The following CLCC1 variants were observed in gnomAD, a reference collection of about 807,000 sequenced individuals.
CLCC1 encodes the protein chloride channel CLIC like 1.
In CLCC1, 39 loss-of-function variants were observed where a neutral mutation model predicts 63.3. That is an observed-to-expected ratio of 0.62 (90% CI 0.48 to 0.81). The LOEUF (loss-of-function observed/expected upper bound fraction) is 0.81. Ranked by LOEUF, CLCC1 falls within the 30% of genes least tolerant of loss-of-function variation. The pLI, the probability that CLCC1 is intolerant of heterozygous loss-of-function variation, is 0.00. For missense variants in CLCC1, 549 were observed against 669.4 expected (o/e 0.82, Z 1.98); for synonymous variants, 217 against 239.8 (o/e 0.90, Z 0.88).
chr1:108,950,358 G>A lies in CLCC1; in HGVS notation c.80C>T (p.Thr27Ile), dbSNP rs1655030860. 1.2e-6 allele frequency: 2 copies of A among 1,613,258 alleles called. No homozygotes were observed. Among genetic ancestry groups the A allele is most frequent in the South Asian group, 1.1e-5 (1 of 90,996 alleles). The change falls in exon 3 of 13, where the codon ACA becomes ATA. Residue 27 changes from threonine to isoleucine, a missense_variant. By Grantham distance (89) the Thr-to-Ile change is moderately conservative (BLOSUM62 -1). Coordinates refer to ENST00000369969, the MANE Select transcript of CLCC1 (RefSeq NM_001377458.1). ...YAHDDDWIDPTDMLNYDAASG... is the reference protein window; with the variant it reads ...YAHDDDWIDPIDMLNYDAASG... ...AGCAGCATCATAGTTAAGCATGTCT[G>A]TGGGGTCAATCCAGTCATCATCATG...
At position 108,934,705 on chromosome 1, in the gene CLCC1, G is replaced by C. The variant is rs758689973; in HGVS notation, c.1621C>G (p.Arg541Gly). ...GGGCTGCTGACCGGATCCTGTCCACGTGGTCCAGCCACACCTCTTGCGGGG... is the reference window on the plus strand; with the variant it reads ...GGGCTGCTGACCGGATCCTGTCCACCTGGTCCAGCCACACCTCTTGCGGGG... ...YSPARGVAGP[R>G]GQDPVSSPCG The change falls in exon 12 of 13, where the codon CGT becomes GGT. Residue 541 changes from arginine (R) to glycine (G), a missense_variant. Coordinates refer to ENST00000369969, the MANE Select transcript of CLCC1 (RefSeq NM_001377458.1). 2 of 1,613,782 alleles carry C rather than the reference G, an allele frequency of 1.2e-6. No individual in the cohort carries two copies.
chr1:108,947,860 T>C (rs1654744400), intron 4 of CLCC1, 142 bp from the exon 5 acceptor site: 2 of 597,338 alleles, frequency 3.3e-6, no homozygotes, highest in Non-Finnish European at 5.9e-6. Context: ...TATAATACAT[T>C]ACAGTGCAGA....
At chr1:108,950,877 C>G (rs1166464066) in intron 2 of CLCC1, among the ~76,000 whole-genome samples, 2 of 151,886 alleles carry the variant, frequency 1.3e-5, no homozygotes, top group Non-Finnish European at 2.9e-5. Context: ...TGAACAGTAT[C>G]TAAGGAAGAA....
At position 108,943,924 on chromosome 1, in the gene CLCC1, A is replaced by G. The variant is rs1340284775; in HGVS notation, c.473T>C (p.Ile158Thr). Reference sequence around the variant, plus strand: ...ATCATGAAACTTAAAATTAATTAAAATATCACTTAGTGCATCATCCAAGGC... The same window carrying G: ...ATCATGAAACTTAAAATTAATTAAAGTATCACTTAGTGCATCATCCAAGGC... The part of the protein sequence containing the change: ...PGALDDALSD[I>T]LINFKFHDFE... Residue 158 changes from isoleucine to threonine, a missense_variant, in exon 6 of 13, where the codon ATT becomes ACT. Coordinates refer to ENST00000369969, the MANE Select transcript of CLCC1 (RefSeq NM_001377458.1). The G allele has an allele frequency of 6.2e-7, 1 of 1,613,708 alleles. No individual in the cohort carries two copies. The highest frequency in any genetic ancestry group is 1.7e-5 in the Admixed American group (1 of 60,020).
intron 3 of CLCC1, 86 bp downstream of exon 3, chr1:108,950,223 T>C (rs1302267642): frequency 2.3e-6 from 3 of 1,331,096 alleles, no homozygotes; most frequent in Non-Finnish European, 3.1e-6. Flanking sequence ...ATGACCCTCA[T>C]AGCTCTGTGC....
intron 2 of CLCC1, among the ~76,000 whole-genome samples, chr1:108,955,479 G>C (rs1171225898): frequency 1.3e-5 from 2 of 151,388 alleles, no homozygotes; most frequent in Non-Finnish European, 2.9e-5. Context: ...TTGAAGTGGG[G>C]CTATGATGGT....
At chr1:108,960,939 G>A (rs552532908) in intron 2 of CLCC1, among the ~76,000 whole-genome samples, 1 of 152,014 alleles carries the variant, frequency 6.6e-6, no homozygotes, top group Admixed American at 6.6e-5. Context: ...CCCCCTGCCC[G>A]CCGCCTTGTC....
chr1:108,940,119 A>G lies in CLCC1; in HGVS notation c.820T>C (p.Tyr274His), dbSNP rs1397167105. ...IWEWFRSSWT[Y>H]KDDPCQKYYE... The stretch of plus-strand genomic sequence containing the variant: ...TATTTTTGGCATGGGTCATCCTTAT[A>G]GGTCCATGAACTTCTAAACCATTCT... The change falls in exon 9 of 13, where the codon TAT becomes CAT. Residue 274 changes from tyrosine (Y) to histidine (H), a missense_variant. Transcript: ENST00000369969. 6.2e-7 allele frequency: 1 copy of G among 1,611,976 alleles called. No homozygotes were observed. The highest frequency in any genetic ancestry group is 1.7e-5 in the Admixed American group (1 of 59,974).
At chr1:108,950,174 G>C in intron 3 of CLCC1, 135 bp downstream of exon 3, 2 of 925,866 alleles carry the variant, frequency 2.2e-6, no homozygotes, top group Non-Finnish European at 3.2e-6. Flanking sequence ...GATTAACAGT[G>C]TCAAGAAAAT....
chr1:108,930,133 C>T lies in CLCC1; in HGVS notation c.*2414G>A. On this transcript the variant is annotated 3_prime_UTR_variant, in exon 13 of 13. Transcript: ENST00000369969. ...CATGCGCGTTTGAGGGTGGAGGGGT[C>T]CTGTAAGGTGCTTCATCGTCTGTGA... 1 of 585,304 alleles carries T rather than the reference C, an allele frequency of 1.7e-6. No homozygotes were observed. The highest frequency in any genetic ancestry group is 2.2e-5 in the South Asian group (1 of 44,710). The allele number at this position is 585,304 out of a possible 1,614,324, so 36.3% of individuals were successfully genotyped here.
At position 108,948,616 on chromosome 1, in the gene CLCC1, A is replaced by T. The variant is rs79850561; in HGVS notation, c.232-898T>A. On this transcript the variant is annotated intron_variant, in intron 4 of 12. Transcript: ENST00000369969. ...GCTCTCAGGCAAGGTTTGTAAAACC[A>T]GTTTATTTTCTAAACCTTAAAGAAA... is the stretch of plus-strand genomic sequence containing the variant. Among the ~76,000 whole-genome samples the T allele has an allele frequency of 5.1e-3, 768 of 150,810 alleles. 11 individuals carry two copies. The highest frequency in any genetic ancestry group is 0.018 in the African/African-American group (719 of 40,820).
intron 11 of CLCC1, among the ~76,000 whole-genome samples, chr1:108,936,097 T>G (rs1482977761): frequency 1.4e-5 from 2 of 144,730 alleles, no homozygotes; most frequent in Non-Finnish European, 1.5e-5. Context: ...TTTTTTTTTT[T>G]TTTTTTTTTT....
intron 8 of CLCC1, among the ~76,000 whole-genome samples, chr1:108,940,970 T>C (rs1199264765): frequency 1.3e-4 from 20 of 152,158 alleles, no homozygotes; most frequent in Admixed American, 1.3e-3. Context: ...AAAAAACTAA[T>C]TTTTCCCGTA....
chr1:108,943,124 A>G (rs917301333), intron 7 of CLCC1, among the ~76,000 whole-genome samples: 3 of 152,070 alleles, frequency 2.0e-5, no homozygotes, highest in Non-Finnish European at 4.4e-5. Context: ...TGGCCAGGCT[A>G]GTCTTGACCT....
intron 4 of CLCC1, among the ~76,000 whole-genome samples, chr1:108,948,088 C>T (rs1654768160): frequency 6.6e-6 from 1 of 152,044 alleles, no homozygotes; most frequent in African/African-American, 2.4e-5. Flanking sequence ...GAAGGAAGGG[C>T]AGGAGGGAAG....
chr1:108,955,395 C>A (rs561122792), intron 2 of CLCC1, among the ~76,000 whole-genome samples: 1 of 151,480 alleles, frequency 6.6e-6, no homozygotes, highest in Non-Finnish European at 1.5e-5. Flanking sequence ...ACTCTCCCCA[C>A]GGAAAGATGG....
intron 10 of CLCC1, among the ~76,000 whole-genome samples, chr1:108,939,365 G>A (rs1571017272): frequency 6.8e-6 from 1 of 147,618 alleles, no homozygotes; most frequent in South Asian, 2.1e-4. Flanking sequence ...GGAGTACAGT[G>A]GTGCGATCTC....
intron 1 of CLCC1, 141 bp downstream of exon 1, chr1:108,963,220 C>G (rs946032357): frequency 2.8e-5 from 13 of 468,100 alleles, no homozygotes; most frequent in African/African-American, 2.5e-4. Flanking sequence ...AGCGGACGCA[C>G]GCAGCTAGCA....
intron 7 of CLCC1, 27 bp downstream of exon 7, chr1:108,943,448 T>C: frequency 3.7e-6 from 6 of 1,601,342 alleles, no homozygotes; most frequent in Non-Finnish European, 5.1e-6. Flanking sequence ...TGTGTTAAAA[T>C]TGTAAAACCC....
Sources: gnomAD v4.1 joint callset for allele counts (sites outside exome capture counted in the v4.1 genomes callset) on GRCh38, gnomAD v4.1.1 for gene constraint, MANE v1.5 for transcripts, NCBI Gene and HGNC (gene_info 2026-07-23, HGNC 2026-07-21) for gene names.